Variants in BRCA2 observed in about 807,000 individuals in gnomAD.
The protein encoded by BRCA2 is BRCA2 DNA repair associated, also known as breast cancer type 2 susceptibility protein.
Under a neutral mutation model 276.7 loss-of-function variants are expected in BRCA2, and 203 were observed. The ratio of observed to expected loss-of-function variants is 0.73; its 90% CI spans 0.65 to 0.82. BRCA2 has a LOEUF of 0.82. Among genes scored for constraint, BRCA2 ranks in the 40% least tolerant of loss-of-function variants. The pLI is 0.00. For missense variants in BRCA2, 3,920 were observed against 3,915.0 expected, an observed-to-expected ratio of 1.00 and a Z score of -0.03; for synonymous variants, 1,289 against 1,338.4, an observed-to-expected ratio of 0.96 and a Z score of 0.81.
chr13:32,384,965 C>T (rs1196532981), intron 24 of BRCA2: 5 of 370,594 alleles, frequency 1.3e-5, no homozygotes, highest in South Asian at 7.1e-5. Flanking sequence ...GGCAACTTTG[C>T]CTGGGTGTAT....
In BRCA2 at chr13:32,380,153, A is replaced by G. The variant is rs1312250808; in HGVS notation, c.9256+8A>G. The G allele has an allele frequency of 6.2e-7, 1 of 1,602,586 alleles. No individual in the cohort carries two copies. The highest frequency in any genetic ancestry group is 1.1e-5 in the South Asian group (1 of 88,306). ...CTGTTGTGAAAAAAACAGGTAATGC[A>G]CAATATAGTTAATTTTTTTTATTGA... On this transcript the variant is annotated splice_region_variant and intron_variant, in intron 24 of 26. Transcript: ENST00000380152.
intron 7 of BRCA2, among the ~76,000 whole-genome samples, chr13:32,327,109 T>C (rs1593887854): frequency 6.6e-6 from 1 of 152,358 alleles, no homozygotes; most frequent in South Asian, 2.1e-4. Flanking sequence ...AACTGTAAAC[T>C]CTTTGCAGTC....
At position 32,356,445 on chromosome 13, in the gene BRCA2, C is replaced by A. The variant is rs1593919442; in HGVS notation, c.7453C>A (p.Gln2485Lys). 1 of 1,613,762 alleles carries A rather than the reference C, an allele frequency of 6.2e-7. No individual in the cohort carries two copies. Among genetic ancestry groups the A allele is most frequent in the East Asian group, 2.2e-5 (1 of 44,882 alleles). The change falls in exon 15 of 27, where the codon CAG becomes AAG. Residue 2485 changes from glutamine to lysine, a missense_variant. Coordinates refer to ENST00000380152, the MANE Select transcript of BRCA2 (RefSeq NM_000059.4). ...TTTGATAGATTTAATTACAAGTCTT[C>A]AGAATGCCAGAGATATACAGGATAT... is the stretch of plus-strand genomic sequence containing the variant. ...EEPLDLITSL[Q>K]NARDIQDMRI... is the part of the protein sequence containing the mutation.
chr13:32,378,325 G>C (rs1258481662), intron 21 of BRCA2, among the ~76,000 whole-genome samples: 1 of 152,156 alleles, frequency 6.6e-6, no homozygotes, highest in Non-Finnish European at 1.5e-5. Flanking sequence ...GTTATCTTTA[G>C]GGTTCTAAGT....
chr13:32,379,865 T>C lies in BRCA2; in HGVS notation c.9069T>C (p.Ala3023=). The change falls in exon 23 of 27, where the codon GCT becomes GCC. Residue 3023 remains alanine (A), a synonymous_variant. Transcript: ENST00000380152. ...AATCTAAAAGTAAATCTGAAAGAGC[T>C]AACATACAGTTAGCAGCGACAAAAA... ...TSKSKSKSER[A]NIQLAATKKT... The C allele has an allele frequency of 6.2e-7, 1 of 1,613,888 alleles. No homozygotes were observed. The highest frequency in any genetic ancestry group is 1.3e-5 in the African/African-American group (1 of 75,040).
chr13:32,387,566 A>G (rs2072969062), intron 24 of BRCA2, among the ~76,000 whole-genome samples: 1 of 152,188 alleles, frequency 6.6e-6, no homozygotes, highest in African/African-American at 2.4e-5. Context: ...CTGCTCCACC[A>G]GCTTCTTGTG....
rs543316938 is a variant in BRCA2 at position 32,388,541 on chromosome 13, T to A, written c.9257-6148T>A. Among the ~76,000 whole-genome samples the A allele has an allele frequency of 1.4e-4, 22 of 152,316 alleles. No individual in the cohort carries two copies. The East Asian group carries it at 2.5e-3, about 17-fold the overall frequency. The stretch of plus-strand genomic sequence containing the variant: ...CATGAGATATTCAACACTTTTTTTT[T>A]TAAAAACAGGCCTTGCGTTAGATGA... On this transcript the variant is annotated intron_variant, in intron 24 of 26. Coordinates refer to ENST00000380152, the MANE Select transcript of BRCA2 (RefSeq NM_000059.4).
At chr13:32,335,205 TGTG>T (rs2072438516) in intron 10 of BRCA2, among the ~76,000 whole-genome samples, 2 of 151,948 alleles carry the variant, frequency 1.3e-5, no homozygotes, top group African/African-American at 4.8e-5. Context: ...ATTATCCAGA[TGTG>T]GTGGCATGTG....
chr13:32,325,269 T>C, intron 4 of BRCA2, 85 bp downstream of exon 4: 1 of 1,103,806 alleles, frequency 9.1e-7, no homozygotes. Context: ...CTGATTTTTA[T>C]GCTAATATTT....
Position 32,338,559 on chromosome 13 carries a change from A to C in BRCA2, c.4204A>C (p.Asn1402His), listed in dbSNP as rs786204062. 1 of 1,597,476 alleles carries C rather than the reference A, an allele frequency of 6.3e-7. No individual in the cohort carries two copies. The highest frequency in any genetic ancestry group is 1.8e-5 in the Admixed American group (1 of 56,776). Residue 1402 changes from asparagine to histidine, a missense_variant, in exon 11 of 27, where the codon AAT becomes CAT. Around this residue, in one of 2 missense-constraint regions of BRCA2, gnomAD observed 3,263 missense variants for 3,156.9 expected, o/e 1.03. Transcript: ENST00000380152. ...VAKAQEACHG[N>H]TSNKEQLTAT... Reference sequence around the variant, plus strand: ...GAAAGCTCAAGAAGCATGTCATGGTAATACTTCAAATAAAGAACAGTTAAC... The same window carrying C: ...GAAAGCTCAAGAAGCATGTCATGGTCATACTTCAAATAAAGAACAGTTAAC...
intron 24 of BRCA2, among the ~76,000 whole-genome samples, chr13:32,380,640 A>C (rs2137627163): frequency 6.9e-6 from 1 of 145,970 alleles, no homozygotes; most frequent in East Asian, 2.0e-4. Flanking sequence ...TCCCAGGTTC[A>C]CACCATTCTC....
rs11571769 is a variant in BRCA2 at position 32,379,413 on chromosome 13, G to A, written c.8851G>A (p.Ala2951Thr). ...QAQIQLEIRK[A>T]MESAEQKEQG... ...TCAGATCCAGTTGGAAATTAGGAAG[G>A]CCATGGAATCTGCTGAACAAAAGGA... The change falls in exon 22 of 27, where the codon GCC (alanine) becomes ACC (threonine). Residue 2951 changes from alanine to threonine, a missense_variant. By Grantham distance (58) the Ala-to-Thr change is moderately conservative. Around this residue, in one of 2 missense-constraint regions of BRCA2, gnomAD observed 657 missense variants for 758.2 expected, o/e 0.87. Coordinates refer to ENST00000380152, the MANE Select transcript of BRCA2 (RefSeq NM_000059.4). 11,174 of 1,613,810 alleles carry A rather than the reference G, an allele frequency of 6.9e-3. 134 individuals carry two copies. Among genetic ancestry groups the A allele is most frequent in the Admixed American group, 0.042 (2,528 of 59,998 alleles).
At chr13:32,316,382 G>A in intron 1 of BRCA2, 40 bp from the exon 2 acceptor site, 1 of 1,238,958 alleles carries the variant, frequency 8.1e-7, no homozygotes, top group South Asian at 1.2e-5. Flanking sequence ...AATAAGGAAT[G>A]CATCCCTGTG....
rs80358895 is a variant in BRCA2, at chr13:32,341,068, A to G, written c.6713A>G (p.Asp2238Gly). 3 of 1,613,904 alleles carry G rather than the reference A, an allele frequency of 1.9e-6. No homozygotes were observed. The highest frequency in any genetic ancestry group is 2.7e-5 in the African/African-American group (2 of 74,936). ...VEIAKAFMEDDELTDSKLPSH... is the reference protein window; with the variant it reads ...VEIAKAFMEDGELTDSKLPSH... ...ATTGCTAAAGCTTTTATGGAAGATG[A>G]TGAACTGACAGATTCTAAACTGCCA... The change falls in exon 11 of 27, where the codon GAT becomes GGT. Residue 2238 changes from aspartate (D) to glycine (G), a missense_variant. Physicochemically the swap from Asp to Gly is moderately conservative, Grantham distance 94 (BLOSUM62 -1). Transcript: ENST00000380152.
chr13:32,382,154 G>A lies in BRCA2; in HGVS notation c.9256+2009G>A, dbSNP rs11571778. Among the ~76,000 whole-genome samples, 459 of 152,190 alleles carry A rather than the reference G, an allele frequency of 3.0e-3. 3 individuals are homozygous for A. Among genetic ancestry groups the A allele is most frequent in the African/African-American group, 0.01 (417 of 41,544 alleles). On this transcript the variant is annotated intron_variant, in intron 24 of 26. Transcript: ENST00000380152. ...TTTTTAGTAGAGACGGGGTTTCACCGTGTTAGCCAGAATGGTCTCGATCTC... is the reference window on the plus strand; with the variant it reads ...TTTTTAGTAGAGACGGGGTTTCACCATGTTAGCCAGAATGGTCTCGATCTC...
intron 21 of BRCA2, among the ~76,000 whole-genome samples, chr13:32,378,709 C>T (rs546445168): frequency 6.6e-6 from 1 of 152,224 alleles, no homozygotes; most frequent in African/African-American, 2.4e-5. Context: ...ATTTTTGTTA[C>T]ACTGGGTAAG....
intron 16 of BRCA2, among the ~76,000 whole-genome samples, chr13:32,361,816 G>T (rs2072739321): frequency 6.6e-6 from 1 of 152,054 alleles, no homozygotes; most frequent in African/African-American, 2.4e-5. Flanking sequence ...GTATGAATGA[G>T]AAAGGAGGAG....
chr13:32,365,850 T>C (rs1464384389), intron 18 of BRCA2, among the ~76,000 whole-genome samples: 1 of 151,622 alleles, frequency 6.6e-6, no homozygotes. Flanking sequence ...GTGGTTCTTT[T>C]ATAATTTCCC....
intron 7 of BRCA2, among the ~76,000 whole-genome samples, chr13:32,327,477 C>T (rs944135106): frequency 7.2e-5 from 11 of 151,758 alleles, no homozygotes; most frequent in African/African-American, 2.4e-4. Context: ...CGAGACCATC[C>T]TGGCTAACGT....
Sources: gnomAD v4.1 joint callset for allele counts (sites outside exome capture counted in the v4.1 genomes callset) on GRCh38, gnomAD v4.1.1 for gene constraint, gnomAD v4.1.1 regional missense constraint, MANE v1.5 for transcripts, NCBI Gene and HGNC (gene_info 2026-07-23, HGNC 2026-07-21) for gene names.